The following PPFIA2 variants were observed in gnomAD, a reference collection of about 807,000 sequenced individuals.
PPFIA2 encodes the protein liprin-alpha-2.
In PPFIA2, 46 loss-of-function variants were observed where a neutral mutation model predicts 175.5. The observed-to-expected ratio is 0.26, with a 90% confidence interval of 0.21 to 0.34. The LOEUF (loss-of-function observed/expected upper bound fraction) is 0.34, where lower values mean the gene tolerates loss of function less well. PPFIA2 is among the 10% of genes least tolerant of loss of function. The pLI is 1.00. For synonymous variants in PPFIA2, 568 were observed against 511.4 expected, an observed-to-expected ratio of 1.11 and a Z score of -1.49; for missense variants, 1,179 against 1,506.1, an observed-to-expected ratio of 0.78 and a Z score of 3.60.
chr12:81,692,265 G>A (rs1463855502), intron 3 of PPFIA2, among the ~76,000 whole-genome samples: 1 of 152,076 alleles, frequency 6.6e-6, no homozygotes. Context: ...GAATTCAGAA[G>A]TTGCTCCTCC....
chr12:81,655,498 T>C (rs2067653789), intron 4 of PPFIA2, among the ~76,000 whole-genome samples: 1 of 151,930 alleles, frequency 6.6e-6, no homozygotes, highest in Non-Finnish European at 1.5e-5. Flanking sequence ...ATGTAGTATC[T>C]CAAAATGAAT....
rs906995960 is a variant in PPFIA2, at chr12:81,521,713, C to T, written c.304-63847G>A. 6.6e-5 allele frequency among the ~76,000 whole-genome samples: 10 copies of T among 150,534 alleles called. No individual in the cohort carries two copies. In the East Asian group the frequency reaches 1.6e-3, roughly 24 times the overall value. The stretch of plus-strand genomic sequence containing the variant: ...CGGGCGCCTGTAGTCCCAGCTACTC[C>T]GGAGGCTGAGGCAGGAGAATGGCGT... On this transcript the variant is annotated intron_variant, in intron 4 of 32. Coordinates refer to ENST00000549396, the MANE Select transcript of PPFIA2 (RefSeq NM_003625.5).
chr12:81,380,577 T>TA (rs1334908952), intron 9 of PPFIA2, among the ~76,000 whole-genome samples: 1 of 152,256 alleles, frequency 6.6e-6, no homozygotes, highest in East Asian at 1.9e-4. Context: ...AGAGGACAGT[T>TA]ATGTTGTAGC....
intron 22 of PPFIA2, among the ~76,000 whole-genome samples, chr12:81,306,161 A>G (rs906802206): frequency 6.6e-6 from 1 of 151,980 alleles, no homozygotes; most frequent in Non-Finnish European, 1.5e-5. Context: ...CACTGCTACC[A>G]CAGTTTTTTT....
rs182884369 is a variant in PPFIA2, at chr12:81,670,906, A to T, written c.303+5885T>A. On this transcript the variant is annotated intron_variant, in intron 4 of 32. Transcript: ENST00000549396. ...TTTTTTGAGGCACATTCTTCCTCTG[A>T]CCTTTACTTAAGTGCTTTTCTTTCT... is the stretch of plus-strand genomic sequence containing the variant. 1.0e-3 allele frequency among the ~76,000 whole-genome samples: 153 copies of T among 151,888 alleles called. 1 individual carries two copies. The highest frequency in any genetic ancestry group is 1.2e-4 in the Non-Finnish European group (8 of 67,862).
Position 81,373,327 on chromosome 12 carries a change from G to T in PPFIA2, c.1266+1307C>A, listed in dbSNP as rs906466970. 9.9e-5 allele frequency among the ~76,000 whole-genome samples: 15 copies of T among 151,968 alleles called. 1 individual carries two copies. The highest frequency in any genetic ancestry group is 3.6e-4 in the African/African-American group (15 of 41,528). On this transcript the variant is annotated intron_variant, in intron 11 of 32. Transcript: ENST00000549396. ...TGAAAGTCCTTTATGTTCTTTAGAT[G>T]AAAGGCCTAATTATGCATATCTTAG...
rs971427708 is a variant in PPFIA2 at position 81,453,062 on chromosome 12, G to A, written c.405+4703C>T. Among the ~76,000 whole-genome samples the A allele has an allele frequency of 9.9e-5, 15 of 150,830 alleles. No individual in the cohort carries two copies. In the East Asian group the frequency reaches 1.6e-3, roughly 16 times the overall value. On this transcript the variant is annotated intron_variant, in intron 5 of 32. Coordinates refer to ENST00000549396, the MANE Select transcript of PPFIA2 (RefSeq NM_003625.5). ...CACATTGTGCAGGTTAGTTACATAT[G>A]TATACATGTGCCATGCTGGTGCGCT...
chr12:81,344,888 C>G, intron 18 of PPFIA2, 195 bp from the exon 19 acceptor site: 1 of 485,112 alleles, frequency 2.1e-6, no homozygotes, highest in Non-Finnish European at 3.7e-6. Context: ...GGGAACTTCT[C>G]AGGTAACATA....
At chr12:81,664,058 A>C (rs2069560131) in intron 4 of PPFIA2, among the ~76,000 whole-genome samples, 1 of 152,224 alleles carries the variant, frequency 6.6e-6, no homozygotes, top group Admixed American at 6.5e-5. Flanking sequence ...TTAAAGACTT[A>C]AATGTTAGAC....
intron 4 of PPFIA2, among the ~76,000 whole-genome samples, chr12:81,558,429 G>T (rs529390761): frequency 4.6e-5 from 7 of 152,244 alleles, no homozygotes; most frequent in African/African-American, 1.7e-4. Context: ...ATACAAGCTT[G>T]CTGACAATAA....
At chr12:81,557,911 G>A (rs929457889) in intron 4 of PPFIA2, among the ~76,000 whole-genome samples, 1 of 152,000 alleles carries the variant, frequency 6.6e-6, no homozygotes, top group Non-Finnish European at 1.5e-5. Context: ...AATACCATCT[G>A]AGACTCAGAA....
intron 4 of PPFIA2, among the ~76,000 whole-genome samples, chr12:81,630,287 T>G (rs1348944737): frequency 6.6e-6 from 1 of 152,208 alleles, no homozygotes; most frequent in Non-Finnish European, 1.5e-5. Flanking sequence ...AGAGGAAACA[T>G]GTACAATTGC....
chr12:81,603,771 T>C (rs991865313), intron 4 of PPFIA2, among the ~76,000 whole-genome samples: 14 of 146,202 alleles, frequency 9.6e-5, no homozygotes, highest in Non-Finnish European at 1.9e-4. Context: ...TATGAGAACA[T>C]TGATATTTAA....
At chr12:81,262,463 G>T (rs539491768) in intron 31 of PPFIA2, among the ~76,000 whole-genome samples, 1 of 152,258 alleles carries the variant, frequency 6.6e-6, no homozygotes, top group Non-Finnish European at 1.5e-5. Context: ...AAGAAATGTA[G>T]ATCAAGATCA....
intron 4 of PPFIA2, among the ~76,000 whole-genome samples, chr12:81,662,585 G>A (rs559390425): frequency 9.9e-5 from 15 of 152,272 alleles, no homozygotes; most frequent in African/African-American, 3.1e-4. Context: ...AAAAAGTCCA[G>A]GACCAGATGG....
intron 4 of PPFIA2, among the ~76,000 whole-genome samples, chr12:81,658,961 T>G (rs1160233358): frequency 6.6e-6 from 1 of 152,178 alleles, no homozygotes; most frequent in Non-Finnish European, 1.5e-5. Context: ...GGAAGTTGAA[T>G]ATATATTAAT....
At chr12:81,366,694 C>A (rs1260949707) in intron 14 of PPFIA2, among the ~76,000 whole-genome samples, 1 of 151,740 alleles carries the variant, frequency 6.6e-6, no homozygotes, top group African/African-American at 2.4e-5. Context: ...TATAACTTAG[C>A]ATAATTCTAT....
intron 7 of PPFIA2, among the ~76,000 whole-genome samples, chr12:81,425,665 C>T (rs1406273983): frequency 6.6e-6 from 1 of 152,110 alleles, no homozygotes; most frequent in Non-Finnish European, 1.5e-5. Flanking sequence ...TGAGCCACTG[C>T]ACCCAGCCCC....
chr12:81,611,745 T>C (rs2060936595), intron 4 of PPFIA2, among the ~76,000 whole-genome samples: 1 of 152,042 alleles, frequency 6.6e-6, no homozygotes, highest in Non-Finnish European at 1.5e-5. Context: ...GTGATGGGCG[T>C]TTATGGCTGC....
Sources: gnomAD v4.1 joint callset for allele counts (sites outside exome capture counted in the v4.1 genomes callset) on GRCh38, gnomAD v4.1.1 for gene constraint, MANE v1.5 for transcripts, NCBI Gene and HGNC (gene_info 2026-07-23, HGNC 2026-07-21) for gene names.